The following EBF1 variants were observed in gnomAD, a reference collection of about 807,000 sequenced individuals.
EBF1 encodes EBF transcription factor 1, also known as transcription factor COE1.
EBF1 carries 10 observed loss-of-function variants against 68.4 expected under a neutral mutation model. That is an observed-to-expected ratio of 0.15 (90% CI 0.09 to 0.25). EBF1 has a LOEUF of 0.25. Ranked by LOEUF, EBF1 falls within the 10% of genes least tolerant of loss-of-function variation. The pLI, the probability that EBF1 is intolerant of heterozygous loss-of-function variation, is 1.00. For missense variants in EBF1, 509 were observed against 794.4 expected (o/e 0.64, Z 4.32); for synonymous variants, 298 against 299.8 (o/e 0.99, Z 0.06).
intron 9 of EBF1, among the ~76,000 whole-genome samples, chr5:158,789,191 T>C (rs998395937): frequency 2.6e-5 from 4 of 152,120 alleles, no homozygotes; most frequent in Non-Finnish European, 4.4e-5. Context: ...AGGTTAAATA[T>C]AGGACATGAA....
intron 12 of EBF1, 24 bp from the exon 13 acceptor site, chr5:158,713,171 C>T (rs550639939): frequency 7.1e-7 from 1 of 1,410,004 alleles, no homozygotes; most frequent in Admixed American, 2.5e-5. Flanking sequence ...GGAATATCCC[C>T]TTCAGCTGCC....
intron 4 of EBF1, among the ~76,000 whole-genome samples, chr5:159,095,321 G>A (rs1204412328): frequency 6.6e-6 from 1 of 152,150 alleles, no homozygotes; most frequent in Non-Finnish European, 1.5e-5. Flanking sequence ...GAGCCCTTCG[G>A]GGCTCCCTGG....
chr5:158,814,579 T>C (rs1783352022), intron 8 of EBF1, among the ~76,000 whole-genome samples: 1 of 152,166 alleles, frequency 6.6e-6, no homozygotes, highest in Non-Finnish European at 1.5e-5. Context: ...AGCCTCCCTA[T>C]ATCCAAATCG....
chr5:158,776,409 T>C (rs1015729096), intron 10 of EBF1, among the ~76,000 whole-genome samples: 4 of 152,168 alleles, frequency 2.6e-5, no homozygotes, highest in African/African-American at 9.7e-5. Flanking sequence ...AAGTAAAATG[T>C]CACAGAAAAA....
At chr5:158,812,100 G>A (rs149056484) in intron 8 of EBF1, among the ~76,000 whole-genome samples, 38 of 152,188 alleles carry the variant, frequency 2.5e-4, no homozygotes, top group African/African-American at 7.9e-4. Flanking sequence ...GACAGTCTAC[G>A]TCATAATGCT....
At chr5:158,866,833 G>GTATATATATA (rs70987938) in intron 6 of EBF1, among the ~76,000 whole-genome samples, 1 of 92,854 alleles carries the variant, frequency 1.1e-5, no homozygotes, top group Non-Finnish European at 2.1e-5. Context: ...ATATGTATAT[G>GTATATATATA]TATATATATA....
At chr5:159,095,959 C>T (rs937630072) in intron 3 of EBF1, among the ~76,000 whole-genome samples, 6 of 152,220 alleles carry the variant, frequency 3.9e-5, no homozygotes, top group African/African-American at 1.4e-4. Context: ...CTTGTCTGTT[C>T]TCACGGCAAG....
At chr5:158,962,818 G>A (rs1753293369) in intron 6 of EBF1, among the ~76,000 whole-genome samples, 1 of 152,136 alleles carries the variant, frequency 6.6e-6, no homozygotes, top group East Asian at 1.9e-4. Flanking sequence ...CTTTAAGGAT[G>A]GGGTTTTATC....
chr5:158,911,206 C>T (rs1805889292), intron 6 of EBF1, among the ~76,000 whole-genome samples: 1 of 152,174 alleles, frequency 6.6e-6, no homozygotes, highest in Non-Finnish European at 1.5e-5. Context: ...TCGCTGAATA[C>T]TAAAACTAAA....
chr5:159,094,117 G>GA (rs1263146275), intron 4 of EBF1, among the ~76,000 whole-genome samples: 1 of 14,058 alleles, frequency 7.1e-5, no homozygotes, highest in Non-Finnish European at 1.4e-4. Flanking sequence ...CATCGCAAAA[G>GA]AAAAAAAGTT....
chr5:158,746,591 A>G (rs181337664), intron 10 of EBF1, among the ~76,000 whole-genome samples: 2 of 152,228 alleles, frequency 1.3e-5, no homozygotes, highest in Admixed American at 6.5e-5. Context: ...CCCAAACTGA[A>G]TCTTGCATTT....
At chr5:158,923,975 T>C (rs752573720) in intron 6 of EBF1, among the ~76,000 whole-genome samples, 10 of 152,050 alleles carry the variant, frequency 6.6e-5, no homozygotes, top group Non-Finnish European at 1.2e-4. Context: ...TCACACAGAG[T>C]TGTACTGTTT....
chr5:158,776,494 C>G (rs1775290361), intron 10 of EBF1, among the ~76,000 whole-genome samples: 1 of 152,128 alleles, frequency 6.6e-6, no homozygotes, highest in Admixed American at 6.5e-5. Context: ...TCTGTTATCT[C>G]TTTGTGTGAA....
At chr5:158,887,111 A>C (rs1213253184) in intron 6 of EBF1, among the ~76,000 whole-genome samples, 1 of 152,214 alleles carries the variant, frequency 6.6e-6, no homozygotes, top group Non-Finnish European at 1.5e-5. Flanking sequence ...GGGCACACCA[A>C]TTGGCAAAAA....
Position 159,087,173 on chromosome 5 carries a change from A to G in EBF1, c.412-2434T>C, listed in dbSNP as rs555446894. ...TGATGTTTTGGTTCCACCACTCTTTAAAAAATAATATATTTGTCATGCTAA... is the reference window on the plus strand; with the variant it reads ...TGATGTTTTGGTTCCACCACTCTTTGAAAAATAATATATTTGTCATGCTAA... On this transcript the variant is annotated intron_variant, in intron 4 of 15. Transcript: ENST00000313708. Among the ~76,000 whole-genome samples, 4 of 151,548 alleles carry G rather than the reference A, an allele frequency of 2.6e-5. No individual in the cohort carries two copies. The East Asian group carries it at 7.7e-4, about 29-fold the overall frequency.
At chr5:158,931,789 C>A (rs1036742829) in intron 6 of EBF1, among the ~76,000 whole-genome samples, 13 of 152,130 alleles carry the variant, frequency 8.5e-5, no homozygotes, top group Non-Finnish European at 1.9e-4. Flanking sequence ...GCAGCTAATA[C>A]TCTAGGAGGC....
intron 12 of EBF1, 58 bp downstream of exon 12, chr5:158,714,059 T>A: frequency 6.4e-7 from 1 of 1,559,892 alleles, no homozygotes; most frequent in East Asian, 2.2e-5. Context: ...CGATGAGGAA[T>A]CTGAGATCTT....
chr5:159,085,551 T>C (rs936870241), intron 4 of EBF1, among the ~76,000 whole-genome samples: 2 of 152,212 alleles, frequency 1.3e-5, no homozygotes, highest in African/African-American at 4.8e-5. Flanking sequence ...ATCTACATGT[T>C]AATACCTGGA....
At chr5:158,945,164 G>C (rs111462320) in intron 6 of EBF1, among the ~76,000 whole-genome samples, 68 of 152,264 alleles carry the variant, frequency 4.5e-4, no homozygotes, top group African/African-American at 1.4e-3. Flanking sequence ...TGTCCTAAAT[G>C]GTATTGCCTA....
Sources: allele counts gnomAD v4.1 joint callset (sites outside exome capture counted in the v4.1 genomes callset), GRCh38; gene constraint gnomAD v4.1.1; transcripts MANE v1.5; gene names NCBI Gene and HGNC (gene_info 2026-07-23, HGNC 2026-07-21).